The following MBOAT1 variants were observed in gnomAD, a reference collection of about 807,000 sequenced individuals.
The protein encoded by MBOAT1 is membrane bound glycerophospholipid O-acyltransferase 1.
MBOAT1 carries 67 observed loss-of-function variants against 64.4 expected under a neutral mutation model. The ratio of observed to expected loss-of-function variants is 1.04; its 90% CI spans 0.85 to 1.27. The LOEUF is 1.27. Ranked by LOEUF, MBOAT1 falls within the 50% of genes most tolerant of loss-of-function variation. The probability of loss-of-function intolerance (pLI) is 0.00; values close to 1 mark genes in which losing one functional copy is unlikely to be tolerated. For synonymous variants in MBOAT1, 229 were observed against 218.9 expected (o/e 1.05, Z -0.41); for missense variants, 563 against 604.6 (o/e 0.93, Z 0.72).
chr6:20,182,344 C>T (rs1762534988), intron 1 of MBOAT1, among the ~76,000 whole-genome samples: 1 of 152,128 alleles, frequency 6.6e-6, no homozygotes, highest in Admixed American at 6.5e-5. Flanking sequence ...TATAAAAACA[C>T]AAATCCCACA....
intron 8 of MBOAT1, among the ~76,000 whole-genome samples, chr6:20,120,435 G>A (rs910243979): frequency 4.6e-5 from 7 of 152,134 alleles, no homozygotes; most frequent in East Asian, 1.9e-4. Context: ...CTGGGATGAC[G>A]AAACGTGCGG....
At chr6:20,212,090 C>A (rs1286255396) in intron 1 of MBOAT1, 46 bp downstream of exon 1, 1 of 1,573,576 alleles carries the variant, frequency 6.4e-7, no homozygotes, top group African/African-American at 1.4e-5. Context: ...CCCGTGCACG[C>A]GATCGCTGGG....
At chr6:20,199,481 C>G (rs1490931647) in intron 1 of MBOAT1, among the ~76,000 whole-genome samples, 2 of 152,164 alleles carry the variant, frequency 1.3e-5, no homozygotes, top group African/African-American at 4.8e-5. Flanking sequence ...AACTTTAACT[C>G]AACAAGACTG....
At chr6:20,166,504 G>A (rs79191234) in intron 1 of MBOAT1, among the ~76,000 whole-genome samples, 90 of 152,240 alleles carry the variant, frequency 5.9e-4, no homozygotes, top group African/African-American at 2.1e-3. Context: ...CTCTCTTTGG[G>A]AGCCAGCATG....
intron 1 of MBOAT1, among the ~76,000 whole-genome samples, chr6:20,201,052 A>T (rs1275902029): frequency 6.6e-6 from 1 of 152,196 alleles, no homozygotes. Flanking sequence ...GGTGATGAGG[A>T]TCTCTAGAGC....
intron 2 of MBOAT1, among the ~76,000 whole-genome samples, chr6:20,152,209 C>A (rs35442814): frequency 4.1e-4 from 63 of 152,080 alleles, no homozygotes; most frequent in Non-Finnish European, 6.5e-4. Flanking sequence ...CACCTGTAAT[C>A]CCAGCGACTC....
At chr6:20,102,554 A>G (rs1236995862) in intron 12 of MBOAT1, 142 bp from the exon 13 acceptor site, 8 of 631,148 alleles carry the variant, frequency 1.3e-5, no homozygotes, top group African/African-American at 3.7e-5. Context: ...GCTTCCCTCA[A>G]TCTGCTCCAC....
At chr6:20,195,114 G>C (rs962379993) in intron 1 of MBOAT1, among the ~76,000 whole-genome samples, 2 of 151,884 alleles carry the variant, frequency 1.3e-5, no homozygotes, top group Non-Finnish European at 2.9e-5. Context: ...CACCATGCCC[G>C]GCTAATTTTT....
At position 20,168,614 on chromosome 6, in the gene MBOAT1, A is replaced by C. The variant is rs1489740246; in HGVS notation, c.100-15845T>G. ...GGGAGAGAAAGAGAGAAGAGAAGAG[A>C]AGAGAAGAGAAGAGAAGAGAAGAGA... On this transcript the variant is annotated intron_variant, in intron 1 of 12. Coordinates refer to ENST00000324607, the MANE Select transcript of MBOAT1 (RefSeq NM_001080480.3). Among the ~76,000 whole-genome samples, 63 of 31,058 alleles carry C rather than the reference A, an allele frequency of 2.0e-3. 3 individuals are homozygous for C. The highest frequency in any genetic ancestry group is 5.1e-4 in the Non-Finnish European group (5 of 9,784). The allele number at this position is 31,058 out of a possible 152,430, so 20.4% of individuals were successfully genotyped here.
chr6:20,126,586 T>A lies in MBOAT1; in HGVS notation c.645A>T (p.Ile215=), dbSNP rs750640635. The stretch of plus-strand genomic sequence containing the variant: ...AGTTCACCTCCAGCAACTTCATGTG[T>A]ATATGCTTCCCCTCAATGAAGGCTA... ...DYIAFIEGKH[I]HMKLLEVNWK... is the part of the protein sequence containing the mutation. The change falls in exon 7 of 13, where the codon ATA becomes ATT. Residue 215 remains isoleucine, a synonymous_variant. Transcript: ENST00000324607. 2 of 1,613,922 alleles carry A rather than the reference T, an allele frequency of 1.2e-6. No individual in the cohort carries two copies. Among genetic ancestry groups the A allele is most frequent in the Admixed American group, 3.3e-5 (2 of 59,966 alleles).
In MBOAT1 at chr6:20,141,158, T is replaced by C. The variant is rs537793504; in HGVS notation, c.419+3062A>G. 4.6e-5 allele frequency among the ~76,000 whole-genome samples: 7 copies of C among 152,066 alleles called. No homozygotes were observed. The East Asian group carries it at 5.8e-4, about 13-fold the overall frequency. ...TAAGAGATTTCCAGGTTGACAAAGA[T>C]AGGAAAGGGCTTTCTATCAGGGAAA... On this transcript the variant is annotated intron_variant, in intron 4 of 12. Coordinates refer to ENST00000324607, the MANE Select transcript of MBOAT1 (RefSeq NM_001080480.3).
chr6:20,195,606 TGTG>T (rs1198689422), intron 1 of MBOAT1, among the ~76,000 whole-genome samples: 6 of 12,618 alleles, frequency 4.8e-4, no homozygotes, highest in Admixed American at 1.3e-3. Flanking sequence ...ATAAATTGCC[TGTG>T]TGTGTGTGTG....
At chr6:20,150,830 C>T (rs574758569) in intron 3 of MBOAT1, among the ~76,000 whole-genome samples, 7 of 151,958 alleles carry the variant, frequency 4.6e-5, no homozygotes. Flanking sequence ...AATCTGCCCA[C>T]CTCTGCCTCC....
chr6:20,116,588 C>T (rs915146276), intron 9 of MBOAT1, among the ~76,000 whole-genome samples: 1 of 152,074 alleles, frequency 6.6e-6, no homozygotes, highest in African/African-American at 2.4e-5. Flanking sequence ...GTTTTTATTT[C>T]AAAACTTCAA....
chr6:20,192,483 A>G (rs1396856774), intron 1 of MBOAT1, among the ~76,000 whole-genome samples: 1 of 152,192 alleles, frequency 6.6e-6, no homozygotes, highest in Admixed American at 6.5e-5. Flanking sequence ...GAACACATTT[A>G]AGACCAAGAC....
chr6:20,153,046 G>C (rs1473768420), intron 1 of MBOAT1, among the ~76,000 whole-genome samples: 1 of 152,148 alleles, frequency 6.6e-6, no homozygotes, highest in Non-Finnish European at 1.5e-5. Flanking sequence ...GTGTTAGCAA[G>C]GATGGTCTCG....
intron 3 of MBOAT1, among the ~76,000 whole-genome samples, chr6:20,147,944 T>C (rs1285051895): frequency 2.6e-5 from 4 of 152,362 alleles, no homozygotes; most frequent in African/African-American, 9.6e-5. Flanking sequence ...CATTGATAAC[T>C]GCATCACCAA....
At chr6:20,148,321 G>A (rs56653399) in intron 3 of MBOAT1, among the ~76,000 whole-genome samples, 12,710 of 152,178 alleles carry the variant, frequency 0.084, 1,710 homozygotes, top group African/African-American at 0.28. Context: ...GGAGGCTGAG[G>A]CAGGAGAATC....
At position 20,111,804 on chromosome 6, in the gene MBOAT1, T is replaced by TCATATAGATACATATATATA. The variant is rs1373894547; in HGVS notation, c.1209+1071_1209+1072insTATATATATGTATCTATATG. ...CAGCATGAACAGTAATCCACTTTGT[T>TCATATAGATACATATATATA]CATATATATACATATATATACATAT... On this transcript the variant is annotated intron_variant, in intron 11 of 12. Coordinates refer to ENST00000324607, the MANE Select transcript of MBOAT1 (RefSeq NM_001080480.3). Among the ~76,000 whole-genome samples, 111 of 50,980 alleles carry TCATATAGATACATATATATA rather than the reference T, an allele frequency of 2.2e-3. 5 individuals carry two copies. Among genetic ancestry groups the TCATATAGATACATATATATA allele is most frequent in the East Asian group, 0.01 (16 of 1,536 alleles). 33.4% of individuals were successfully genotyped at this position (50,980 alleles called of 152,430 possible).
Sources: gnomAD v4.1 joint callset for allele counts (sites outside exome capture counted in the v4.1 genomes callset) on GRCh38, gnomAD v4.1.1 for gene constraint, MANE v1.5 for transcripts, NCBI Gene and HGNC (gene_info 2026-07-23, HGNC 2026-07-21) for gene names.